Variants in C2CD5 observed in about 807,000 individuals in gnomAD.
The protein encoded by C2CD5 is C2 domain-containing protein 5.
A neutral mutation model predicts 130.3 loss-of-function variants in C2CD5; 109 were observed. The ratio of observed to expected loss-of-function variants is 0.84; its 90% CI spans 0.72 to 0.98. The LOEUF is 0.98. Ranked by LOEUF, C2CD5 falls within the 50% of genes least tolerant of loss-of-function variation. C2CD5 has a pLI of 0.00. For synonymous variants in C2CD5, 454 were observed against 429.2 expected, an observed-to-expected ratio of 1.06 and a Z score of -0.71; for missense variants, 996 against 1,261.8, an observed-to-expected ratio of 0.79 and a Z score of 3.19.
chr12:22,519,065 C>A, intron 7 of C2CD5: 1 of 1,500,656 alleles, frequency 6.7e-7, no homozygotes, highest in South Asian at 1.2e-5. Flanking sequence ...TGCAGCCACT[C>A]TGCCCGTGGC....
intron 7 of C2CD5, chr12:22,518,956 G>T: frequency 1.8e-6 from 1 of 563,228 alleles, no homozygotes; most frequent in Non-Finnish European, 3.0e-6. Flanking sequence ...CTCTGTGGCA[G>T]CTAAATACAG....
intron 22 of C2CD5, among the ~76,000 whole-genome samples, chr12:22,467,230 C>T (rs1371804562): frequency 6.6e-6 from 1 of 152,142 alleles, no homozygotes; most frequent in African/African-American, 2.4e-5. Context: ...AGTGCAGTGG[C>T]ATGATCACAG....
intron 3 of C2CD5, among the ~76,000 whole-genome samples, chr12:22,528,867 A>T (rs1209831923): frequency 6.6e-6 from 1 of 152,106 alleles, no homozygotes; most frequent in Admixed American, 6.5e-5. Flanking sequence ...TATTTAATTT[A>T]TTGTTGATGT....
intron 12 of C2CD5, among the ~76,000 whole-genome samples, chr12:22,488,715 A>T (rs925324008): frequency 6.6e-6 from 1 of 152,090 alleles, no homozygotes. Flanking sequence ...TCCTATTTAC[A>T]ATGACCTTTA....
chr12:22,527,672 TA>T lies in C2CD5; in HGVS notation c.349+48del. The stretch of plus-strand genomic sequence containing the variant: ...TAGCACAAATGTCTTTAAGGACAAA[TA>T]AAAAAGATTAAGATTGTTATTTATA... On this transcript the variant is annotated intron_variant, in intron 4 of 26. Transcript: ENST00000446597. 5 of 1,090,894 alleles carry T rather than the reference TA, an allele frequency of 4.6e-6. 1 individual carries two copies. In the Admixed American group the frequency reaches 7.2e-5, roughly 16 times the overall value. The allele number at this position is 1,090,894 out of a possible 1,614,324, so 67.6% of individuals were successfully genotyped here.
chr12:22,485,834 G>A (rs1314513611), intron 12 of C2CD5, among the ~76,000 whole-genome samples: 1 of 152,016 alleles, frequency 6.6e-6, no homozygotes, highest in African/African-American at 2.4e-5. Context: ...TTTAAAATAT[G>A]AAATGTACAC....
intron 7 of C2CD5, chr12:22,519,144 G>C: frequency 6.5e-7 from 1 of 1,536,002 alleles, no homozygotes; most frequent in Non-Finnish European, 8.7e-7. Flanking sequence ...AACAGACACA[G>C]AGAAGTTCTG....
chr12:22,500,383 T>C (rs1947609391), intron 10 of C2CD5, among the ~76,000 whole-genome samples: 1 of 152,188 alleles, frequency 6.6e-6, no homozygotes, highest in African/African-American at 2.4e-5. Context: ...TGCTAGAAGT[T>C]TGAGAACCAC....
intron 7 of C2CD5, chr12:22,519,244 G>A: frequency 6.5e-7 from 1 of 1,535,118 alleles, no homozygotes; most frequent in Admixed American, 2.0e-5. Flanking sequence ...GGAGACCTGA[G>A]GGAATTTGTG....
intron 12 of C2CD5, among the ~76,000 whole-genome samples, chr12:22,488,554 T>G (rs1192458771): frequency 6.6e-6 from 1 of 152,170 alleles, no homozygotes; most frequent in East Asian, 1.9e-4. Flanking sequence ...AAAGGTCATT[T>G]GTTAAATTAG....
rs544356156 is a variant in C2CD5, at chr12:22,468,278, G to T, written c.2533+1431C>A. ...CTATCGCCTGGGCTGGAGTGCAGTG[G>T]CACAATCACAGCTCACTGTAGCCTT... On this transcript the variant is annotated intron_variant, in intron 22 of 26. Transcript: ENST00000446597. 5.9e-5 allele frequency among the ~76,000 whole-genome samples: 9 copies of T among 152,200 alleles called. No homozygotes were observed. In the East Asian group the frequency reaches 1.7e-3, roughly 29 times the overall value.
intron 26 of C2CD5, among the ~76,000 whole-genome samples, chr12:22,450,871 T>C (rs1019613702): frequency 1.3e-5 from 2 of 152,214 alleles, no homozygotes; most frequent in African/African-American, 2.4e-5. Flanking sequence ...GAGTGTTATG[T>C]GGTTGTAACA....
Position 22,490,207 on chromosome 12 carries a change from C to A in C2CD5, c.1274G>T (p.Cys425Phe). Residue 425 changes from cysteine to phenylalanine, a missense_variant, in exon 12 of 27, where the codon TGC (cysteine) becomes TTC (phenylalanine). Cys to Phe is a radical substitution (Grantham distance 205). Around this residue, in one of 9 missense-constraint regions of C2CD5, gnomAD observed 590 missense variants for 631.4 expected, o/e 0.93. Transcript: ENST00000446597. ...CGCTGTGCCAGATGCAGATAAAATG[C>A]AGACCTCTTCACTATAAAGGAAAAA... ...SESTSICEEV[C>F]ILSASGTAAV... The A allele has an allele frequency of 1.2e-6, 2 of 1,611,424 alleles. No homozygotes were observed. The highest frequency in any genetic ancestry group is 1.7e-6 in the Non-Finnish European group (2 of 1,177,730).
At chr12:22,526,194 T>C (rs1465237847) in intron 4 of C2CD5, among the ~76,000 whole-genome samples, 4 of 152,202 alleles carry the variant, frequency 2.6e-5, no homozygotes, top group Admixed American at 1.3e-4. Flanking sequence ...TGCATTAGAA[T>C]ATGAATAATT....
At chr12:22,453,556 C>G (rs1047676117) in intron 26 of C2CD5, among the ~76,000 whole-genome samples, 1 of 152,122 alleles carries the variant, frequency 6.6e-6, no homozygotes, top group Non-Finnish European at 1.5e-5. Flanking sequence ...TGAAACTGGA[C>G]AGCATCATAG....
intron 14 of C2CD5, among the ~76,000 whole-genome samples, chr12:22,479,527 G>A (rs550384271): frequency 5.3e-5 from 8 of 152,282 alleles, no homozygotes; most frequent in Non-Finnish European, 8.8e-5. Context: ...GCAAGAGACT[G>A]AAATTCAGAA....
At chr12:22,534,992 G>C in intron 3 of C2CD5, 1 of 253,040 alleles carries the variant, frequency 4.0e-6, no homozygotes, top group Non-Finnish European at 7.3e-6. Context: ...GTAATTTTTG[G>C]TATGTGCTAA....
chr12:22,493,834 G>C (rs944870238), intron 10 of C2CD5, among the ~76,000 whole-genome samples: 1 of 151,708 alleles, frequency 6.6e-6, no homozygotes, highest in Non-Finnish European at 1.5e-5. Flanking sequence ...AAAGCCATCT[G>C]TAAGCCATCC....
At chr12:22,518,261 C>A in intron 7 of C2CD5, 124 bp from the exon 8 acceptor site, 1 of 881,022 alleles carries the variant, frequency 1.1e-6, no homozygotes, top group Non-Finnish European at 1.9e-6. Context: ...ACGTGTGGAG[C>A]TGGGAATGAG....
Sources: gnomAD v4.1 joint callset for allele counts (sites outside exome capture counted in the v4.1 genomes callset) on GRCh38, gnomAD v4.1.1 for gene constraint, gnomAD v4.1.1 regional missense constraint, MANE v1.5 for transcripts, NCBI Gene and HGNC (gene_info 2026-07-23, HGNC 2026-07-21) for gene names.